Variants in JMJD1C observed in about 807,000 individuals in gnomAD.
The protein encoded by JMJD1C is jumonji domain-containing protein 1C.
Under a neutral mutation model 245.3 loss-of-function variants are expected in JMJD1C, and 31 were observed. The ratio of observed to expected loss-of-function variants is 0.13; its 90% confidence interval spans 0.09 to 0.17. JMJD1C has a LOEUF of 0.17. Ranked by LOEUF, JMJD1C falls within the 10% of genes least tolerant of loss-of-function variation. The pLI is 1.00. For synonymous variants in JMJD1C, 1,057 were observed against 1,017.4 expected, an observed-to-expected ratio of 1.04 and a Z score of -0.74; for missense variants, 2,691 against 3,000.2, an observed-to-expected ratio of 0.90 and a Z score of 2.41.
chr10:63,445,007 G>T (rs886286347), intron 1 of JMJD1C, among the ~76,000 whole-genome samples: 3 of 152,026 alleles, frequency 2.0e-5, no homozygotes, highest in Non-Finnish European at 2.9e-5. Context: ...TGAAAGGATC[G>T]CTTGAGGCCA....
intron 3 of JMJD1C, among the ~76,000 whole-genome samples, chr10:63,234,689 T>A (rs1850499757): frequency 6.8e-6 from 1 of 147,524 alleles, no homozygotes; most frequent in South Asian, 2.1e-4. Flanking sequence ...TCCTAGCACT[T>A]TGGGAGGCCA....
chr10:63,399,217 T>A (rs537396521), intron 1 of JMJD1C, among the ~76,000 whole-genome samples: 1 of 152,338 alleles, frequency 6.6e-6, no homozygotes, highest in Admixed American at 6.5e-5. Context: ...ATCTTCAAGG[T>A]AGCTCCTAAG....
At position 63,349,100 on chromosome 10, in the gene JMJD1C, CAAAAAAAAAAA is replaced by C. The variant is rs71463516; in HGVS notation, c.333+31207_333+31217del. On this transcript the variant is annotated intron_variant, in intron 2 of 25. Transcript: ENST00000399262. ...TGGGTGACAGAGTGAGACTCTGTCT[CAAAAAAAAAAA>C]AAAAAAAAAAAAAAAGCCTTCCCTC... Among the ~76,000 whole-genome samples, 16 of 34,872 alleles carry C rather than the reference CAAAAAAAAAAA, an allele frequency of 4.6e-4. 1 individual carries two copies. Among genetic ancestry groups the C allele is most frequent in the Admixed American group, 2.6e-3 (5 of 1,942 alleles). 22.9% of individuals were successfully genotyped at this position (34,872 alleles called of 152,430 possible).
chr10:63,490,518 T>C (rs1954138578), intron 1 of JMJD1C, among the ~76,000 whole-genome samples: 1 of 151,774 alleles, frequency 6.6e-6, no homozygotes, highest in African/African-American at 2.4e-5. Flanking sequence ...TAGGTTCAAA[T>C]GATTCTTCTG....
At chr10:63,269,623 C>T (rs1856040176) in intron 2 of JMJD1C, among the ~76,000 whole-genome samples, 1 of 152,048 alleles carries the variant, frequency 6.6e-6, no homozygotes. Flanking sequence ...ATATTAAAAA[C>T]TTCAAAATAA....
chr10:63,403,797 G>A (rs780090548), intron 1 of JMJD1C, among the ~76,000 whole-genome samples: 10 of 152,146 alleles, frequency 6.6e-5, no homozygotes, highest in South Asian at 2.1e-4. Context: ...AAGGCCGGGC[G>A]TGGTGGCTCA....
chr10:63,495,557 A>G (rs1196390875), intron 1 of JMJD1C, among the ~76,000 whole-genome samples: 1 of 152,128 alleles, frequency 6.6e-6, no homozygotes, highest in Non-Finnish European at 1.5e-5. Flanking sequence ...AGATCACCTG[A>G]GGTCAGGAGT....
chr10:63,354,739 G>A (rs548732587), intron 2 of JMJD1C, among the ~76,000 whole-genome samples: 14 of 151,634 alleles, frequency 9.2e-5, no homozygotes, highest in East Asian at 3.9e-4. Flanking sequence ...CAGCAGCTGC[G>A]TGTGGTGGCT....
rs981596762 is a variant in JMJD1C, at chr10:63,363,410, C to T, written c.333+16908G>A. Among the ~76,000 whole-genome samples the T allele has an allele frequency of 8.6e-5, 13 of 151,934 alleles. 1 individual carries two copies. ...AGTAGCTGGGATTAGAGATGCATGCCGCCATGCCTGGCTAATTTTTTGTTT... is the reference window on the plus strand; with the variant it reads ...AGTAGCTGGGATTAGAGATGCATGCTGCCATGCCTGGCTAATTTTTTGTTT... On this transcript the variant is annotated intron_variant, in intron 2 of 25. Transcript: ENST00000399262.
chr10:63,368,939 C>T lies in JMJD1C; in HGVS notation c.333+11379G>A, dbSNP rs576919172. Among the ~76,000 whole-genome samples the T allele has an allele frequency of 2.0e-4, 30 of 151,872 alleles. No homozygotes were observed. In the East Asian group the frequency reaches 2.5e-3, roughly 13 times the overall value. ...CTGGGATTATAGGCATGAATCATCA[C>T]GCCCAGCCCCTTATAGAAATCAATC... On this transcript the variant is annotated intron_variant, in intron 2 of 25. Coordinates refer to ENST00000399262, the MANE Select transcript of JMJD1C (RefSeq NM_032776.3).
chr10:63,376,070 C>G (rs986769904), intron 2 of JMJD1C, among the ~76,000 whole-genome samples: 1 of 152,068 alleles, frequency 6.6e-6, no homozygotes, highest in South Asian at 2.1e-4. Context: ...AAACAGTGAG[C>G]TGGTATCAGC....
chr10:63,495,452 G>A (rs971873402), intron 1 of JMJD1C, among the ~76,000 whole-genome samples: 1 of 151,912 alleles, frequency 6.6e-6, no homozygotes, highest in African/African-American at 2.4e-5. Context: ...AACTTTGGAA[G>A]ACTCTAAGGA....
chr10:63,396,154 A>C (rs966516784), intron 1 of JMJD1C, among the ~76,000 whole-genome samples: 1 of 152,112 alleles, frequency 6.6e-6, no homozygotes, highest in African/African-American at 2.4e-5. Context: ...CTTAAAAAAA[A>C]CCCATGCCAC....
intron 24 of JMJD1C, among the ~76,000 whole-genome samples, chr10:63,175,264 C>G (rs1291678282): frequency 6.6e-6 from 1 of 152,124 alleles, no homozygotes; most frequent in Admixed American, 6.5e-5. Flanking sequence ...CCAGATTAAA[C>G]ATGAAACATA....
At chr10:63,374,004 A>G (rs547072192) in intron 2 of JMJD1C, among the ~76,000 whole-genome samples, 1 of 152,318 alleles carries the variant, frequency 6.6e-6, no homozygotes, top group Non-Finnish European at 1.5e-5. Context: ...AAACAAAAGA[A>G]AAAAGGAAGG....
chr10:63,243,126 A>AAAT (rs1851726997), intron 3 of JMJD1C, among the ~76,000 whole-genome samples: 1 of 42,982 alleles, frequency 2.3e-5, no homozygotes, highest in African/African-American at 6.2e-5. Flanking sequence ...TATATATATA[A>AAAT]ATATATATAT....
At chr10:63,471,457 G>A (rs1422511189) in intron 1 of JMJD1C, among the ~76,000 whole-genome samples, 1 of 152,192 alleles carries the variant, frequency 6.6e-6, no homozygotes, top group Non-Finnish European at 1.5e-5. Flanking sequence ...AGCAAAGTAT[G>A]CTTTCCTGTC....
At chr10:63,205,158 A>C in intron 10 of JMJD1C, 2 of 364,540 alleles carry the variant, frequency 5.5e-6, no homozygotes, top group Non-Finnish European at 7.6e-6. Flanking sequence ...AGGATATATA[A>C]TCAGTTGTGA....
At chr10:63,245,717 A>C (rs1010160497) in intron 3 of JMJD1C, among the ~76,000 whole-genome samples, 8 of 152,178 alleles carry the variant, frequency 5.3e-5, no homozygotes, top group Non-Finnish European at 1.0e-4. Context: ...TCTTGACCTC[A>C]GGTGATCCTC....
Sources: gnomAD v4.1 joint callset for allele counts (sites outside exome capture counted in the v4.1 genomes callset) on GRCh38, gnomAD v4.1.1 for gene constraint, MANE v1.5 for transcripts, NCBI Gene and HGNC (gene_info 2026-07-23, HGNC 2026-07-21) for gene names.